Variants in ADAMTS18 observed in about 807,000 individuals in gnomAD.
The protein encoded by ADAMTS18 is A disintegrin and metalloproteinase with thrombospondin motifs 18.
Under a neutral mutation model 165.9 loss-of-function variants are expected in ADAMTS18, and 157 were observed. The ratio of observed to expected loss-of-function variants is 0.95; its 90% CI spans 0.83 to 1.08. The LOEUF is 1.08. Among genes scored for constraint, ADAMTS18 ranks in the 50% least tolerant of loss-of-function variants. The probability of loss-of-function intolerance (pLI) is 0.00; values close to 1 mark genes in which losing one functional copy is unlikely to be tolerated. For missense variants in ADAMTS18, 2,040 were observed against 1,534.0 expected (o/e 1.33, Z -5.51); for synonymous variants, 782 against 578.2 (o/e 1.35, Z -5.06).
At position 77,282,600 on chromosome 16, in the gene ADAMTS18, G is replaced by A. The variant is rs2055166858; in HGVS notation, c.*1356C>T. 1 of 152,532 alleles carries A rather than the reference G, an allele frequency of 6.6e-6. No homozygotes were observed. The highest frequency in any genetic ancestry group is 2.1e-4 in the South Asian group (1 of 4,830). 9.4% of individuals were successfully genotyped at this position (152,532 alleles called of 1,614,324 possible). ...TGAGACTTTTTAAAGAAGTAAAATT[G>A]GGTTACATTCATCAAAGAAGTTGAG... is the stretch of plus-strand genomic sequence containing the variant. On this transcript the variant is annotated 3_prime_UTR_variant, in exon 23 of 23. Coordinates refer to ENST00000282849, the MANE Select transcript of ADAMTS18 (RefSeq NM_199355.4).
chr16:77,359,710 T>C (rs2056684690), intron 7 of ADAMTS18, among the ~76,000 whole-genome samples: 1 of 152,160 alleles, frequency 6.6e-6, no homozygotes. Context: ...CATTTTACAT[T>C]TAGTTTAGTA....
chr16:77,367,242 T>C (rs1157524327), intron 4 of ADAMTS18, among the ~76,000 whole-genome samples, 199 bp downstream of exon 4: 1 of 152,130 alleles, frequency 6.6e-6, no homozygotes, highest in East Asian at 1.9e-4. Context: ...AAAGAAACCT[T>C]ATCTAAATCT....
chr16:77,371,461 C>A (rs571621103), intron 3 of ADAMTS18, among the ~76,000 whole-genome samples: 158 of 152,072 alleles, frequency 1.0e-3, no homozygotes, highest in Middle Eastern at 3.4e-3. Context: ...CAGAAGAGAA[C>A]CCTGAAATAA....
chr16:77,286,388 C>T (rs558198002), intron 22 of ADAMTS18, among the ~76,000 whole-genome samples: 1 of 152,144 alleles, frequency 6.6e-6, no homozygotes, highest in Non-Finnish European at 1.5e-5. Context: ...GCAAGCTTGT[C>T]AGAAGGTGGG....
At chr16:77,355,356 C>T (rs898885374) in intron 9 of ADAMTS18, among the ~76,000 whole-genome samples, 1 of 152,130 alleles carries the variant, frequency 6.6e-6, no homozygotes, top group East Asian at 1.9e-4. Context: ...CTACCATCTT[C>T]TTTGGCTATC....
intron 15 of ADAMTS18, 94 bp from the exon 16 acceptor site, chr16:77,320,187 G>A (rs2055970088): frequency 6.8e-7 from 1 of 1,471,750 alleles, no homozygotes; most frequent in Non-Finnish European, 9.4e-7. Context: ...CAGTTTTATA[G>A]AGTGAGGTTT....
chr16:77,344,859 C>T (rs754446707), intron 10 of ADAMTS18, among the ~76,000 whole-genome samples: 30 of 152,058 alleles, frequency 2.0e-4, no homozygotes, highest in Non-Finnish European at 3.7e-4. Flanking sequence ...CATACTCTGA[C>T]GACCATGAAA....
intron 3 of ADAMTS18, among the ~76,000 whole-genome samples, chr16:77,395,782 C>T (rs1318803973): frequency 6.6e-6 from 1 of 152,042 alleles, no homozygotes; most frequent in Non-Finnish European, 1.5e-5. Flanking sequence ...TGGAAATAGA[C>T]AATGGCAATA....
rs1389826298 is a variant in ADAMTS18 at position 77,321,971 on chromosome 16, C to T, written c.2163+365G>A. On this transcript the variant is annotated intron_variant, in intron 14 of 22. Coordinates refer to ENST00000282849, the MANE Select transcript of ADAMTS18 (RefSeq NM_199355.4). ...AGGAGTTCAAGACCAGTCGGGCCAA[C>T]ATGGCGAAATCCCGTCTCTACTAAA... Among the ~76,000 whole-genome samples the T allele has an allele frequency of 2.0e-5, 3 of 151,972 alleles. No homozygotes were observed. In the East Asian group the frequency reaches 5.8e-4, roughly 29 times the overall value.
chr16:77,402,831 A>G (rs1192571100), intron 3 of ADAMTS18, among the ~76,000 whole-genome samples: 1 of 152,232 alleles, frequency 6.6e-6, no homozygotes, highest in African/African-American at 2.4e-5. Flanking sequence ...GCTCAAGACC[A>G]AGAACTCCAG....
intron 3 of ADAMTS18, among the ~76,000 whole-genome samples, chr16:77,424,517 C>G (rs1275075885): frequency 6.6e-6 from 1 of 151,240 alleles, no homozygotes; most frequent in Non-Finnish European, 1.5e-5. Flanking sequence ...ACTGGCCTTT[C>G]AGCCTCCCAT....
intron 10 of ADAMTS18, among the ~76,000 whole-genome samples, chr16:77,350,527 C>T (rs2056540702): frequency 6.6e-6 from 1 of 152,186 alleles, no homozygotes. Flanking sequence ...CAAAGGTGAA[C>T]TCTAAGGCTA....
At chr16:77,315,836 C>CT (rs1451252753) in intron 16 of ADAMTS18, among the ~76,000 whole-genome samples, 4 of 152,122 alleles carry the variant, frequency 2.6e-5, no homozygotes, top group African/African-American at 4.8e-5. Flanking sequence ...CATTCCAAGG[C>CT]TTTTTTCATG....
intron 11 of ADAMTS18, among the ~76,000 whole-genome samples, chr16:77,340,926 G>A (rs754085275): frequency 1.9e-4 from 29 of 152,050 alleles, no homozygotes; most frequent in Non-Finnish European, 3.8e-4. Flanking sequence ...ATACTGCCTT[G>A]AGACAGAGTC....
At chr16:77,363,530 T>C (rs2056746251) in intron 6 of ADAMTS18, among the ~76,000 whole-genome samples, 1 of 150,522 alleles carries the variant, frequency 6.6e-6, no homozygotes, top group Admixed American at 6.6e-5. Flanking sequence ...TTTATTTATA[T>C]TATCTATTTG....
chr16:77,321,258 G>C, intron 14 of ADAMTS18, 56 bp from the exon 15 acceptor site: 1 of 1,608,502 alleles, frequency 6.2e-7, no homozygotes. Context: ...CCAGAGGCTG[G>C]GAATAATTAA....
At chr16:77,388,018 A>G (rs956916077) in intron 3 of ADAMTS18, among the ~76,000 whole-genome samples, 1 of 152,144 alleles carries the variant, frequency 6.6e-6, no homozygotes, top group Non-Finnish European at 1.5e-5. Flanking sequence ...ACTGTTCTTT[A>G]AACCAGCTAA....
At chr16:77,345,565 C>T (rs924074508) in intron 10 of ADAMTS18, among the ~76,000 whole-genome samples, 4 of 152,306 alleles carry the variant, frequency 2.6e-5, no homozygotes, top group East Asian at 3.9e-4. Flanking sequence ...GGCTTTTACC[C>T]GCACCCTTGC....
intron 19 of ADAMTS18, among the ~76,000 whole-genome samples, chr16:77,294,663 T>C (rs918865114): frequency 6.6e-6 from 1 of 152,232 alleles, no homozygotes; most frequent in Non-Finnish European, 1.5e-5. Flanking sequence ...CCTTTCTAGC[T>C]GTGCTCACGA....
Sources: allele counts gnomAD v4.1 joint callset (sites outside exome capture counted in the v4.1 genomes callset), GRCh38; gene constraint gnomAD v4.1.1; transcripts MANE v1.5; gene names NCBI Gene and HGNC (gene_info 2026-07-23, HGNC 2026-07-21).